EIF4G3: variants seen among roughly 807,000 people sequenced by gnomAD.
The protein encoded by EIF4G3 is eukaryotic translation initiation factor 4 gamma 3.
In EIF4G3, 34 loss-of-function variants were observed where a neutral mutation model predicts 186.4. That is an observed-to-expected ratio of 0.18 (90% CI 0.14 to 0.24). EIF4G3 has a LOEUF of 0.24. Ranked by LOEUF, EIF4G3 falls within the 10% of genes least tolerant of loss-of-function variation. The probability of loss-of-function intolerance (pLI) is 1.00; values close to 1 mark genes in which losing one functional copy is unlikely to be tolerated. For synonymous variants in EIF4G3, 673 were observed against 679.5 expected (o/e 0.99, Z 0.15); for missense variants, 1,536 against 1,948.5 (o/e 0.79, Z 3.99).
intron 20 of EIF4G3, among the ~76,000 whole-genome samples, chr1:20,865,669 G>A (rs2154552385): frequency 6.6e-6 from 1 of 152,162 alleles, no homozygotes; most frequent in Non-Finnish European, 1.5e-5. Flanking sequence ...AGACAAGGGA[G>A]AATTTGCTGG....
chr1:20,940,119 G>T (rs1032119407), intron 14 of EIF4G3, among the ~76,000 whole-genome samples: 1 of 151,990 alleles, frequency 6.6e-6, no homozygotes, highest in African/African-American at 2.4e-5. Context: ...GCCTCCCAAA[G>T]TGCAGGGATT....
intron 2 of EIF4G3, among the ~76,000 whole-genome samples, chr1:21,154,901 C>T (rs1384776916): frequency 6.6e-6 from 1 of 152,126 alleles, no homozygotes; most frequent in Non-Finnish European, 1.5e-5. Flanking sequence ...CACTTATAAA[C>T]TATCTACTAC....
At chr1:20,829,334 A>C in intron 30 of EIF4G3, 62 bp from the exon 31 acceptor site, 9 of 1,576,492 alleles carry the variant, frequency 5.7e-6, no homozygotes, top group Non-Finnish European at 6.9e-6. Context: ...AAATTAAATA[A>C]AGAGATAAAA....
chr1:20,816,832 C>T (rs1353303085), intron 34 of EIF4G3, among the ~76,000 whole-genome samples: 4 of 96,576 alleles, frequency 4.1e-5, no homozygotes, highest in African/African-American at 1.1e-4. Context: ...ATTGAGAAAT[C>T]GGATGGTTGC....
In EIF4G3 at chr1:20,959,609, C is replaced by T. The variant is rs79333347; in HGVS notation, c.715-9498G>A. ...AAAAGACAACCCATAGAGATGCAAA[C>T]TACACATCTGATGAAGGAAATCTAC... On this transcript the variant is annotated intron_variant, in intron 12 of 36. Transcript: ENST00000602326. Among the ~76,000 whole-genome samples the T allele has an allele frequency of 4.1e-3, 620 of 150,530 alleles. 9 individuals carry two copies. The highest frequency in any genetic ancestry group is 0.024 in the East Asian group (125 of 5,134).
chr1:20,891,293 G>A (rs2085935759), intron 18 of EIF4G3, among the ~76,000 whole-genome samples: 2 of 152,146 alleles, frequency 1.3e-5, no homozygotes, highest in African/African-American at 4.8e-5. Context: ...TACATTTTGT[G>A]AGTCACATAT....
At chr1:20,923,156 G>C (rs1387328396) in intron 14 of EIF4G3, among the ~76,000 whole-genome samples, 2 of 152,068 alleles carry the variant, frequency 1.3e-5, no homozygotes, top group African/African-American at 4.8e-5. Flanking sequence ...CTGAATTCCA[G>C]CTTCATTTTT....
intron 27 of EIF4G3, among the ~76,000 whole-genome samples, chr1:20,852,616 C>T (rs750450600): frequency 3.3e-5 from 5 of 152,046 alleles, no homozygotes; most frequent in African/African-American, 4.8e-5. Flanking sequence ...TTCGTTGGCC[C>T]GTGGCAGACC....
intron 3 of EIF4G3, among the ~76,000 whole-genome samples, chr1:21,075,570 C>CAAAAAAAAAAAAAAAAAAAAAAAAAAAA (rs55649192): frequency 3.9e-5 from 2 of 51,560 alleles, no homozygotes; most frequent in Non-Finnish European, 6.3e-5. Flanking sequence ...CTCCAACTCA[C>CAAAAAAAAAAAAAAAAAAAAAAAAAAAA]AAAAAAAAAA....
intron 10 of EIF4G3, among the ~76,000 whole-genome samples, chr1:20,975,674 A>G (rs1317945766): frequency 6.6e-6 from 1 of 150,826 alleles, no homozygotes; most frequent in Non-Finnish European, 1.5e-5. Flanking sequence ...AAACATTTAA[A>G]AACATTTTTA....
chr1:20,978,042 C>T (rs28504484), intron 10 of EIF4G3, among the ~76,000 whole-genome samples: 2 of 152,186 alleles, frequency 1.3e-5, no homozygotes, highest in African/African-American at 4.8e-5. Context: ...CAGAAATTAA[C>T]GGGAGACACT....
At chr1:20,857,550 T>A (rs184594164) in intron 24 of EIF4G3, 53 bp from the exon 25 acceptor site, 2 of 1,404,272 alleles carry the variant, frequency 1.4e-6, no homozygotes, top group African/African-American at 2.8e-5. Context: ...CAGTTTTACA[T>A]TGAAAGAGTG....
chr1:20,900,524 AAGAG>A (rs998482682), intron 15 of EIF4G3, among the ~76,000 whole-genome samples: 19 of 147,488 alleles, frequency 1.3e-4, no homozygotes, highest in African/African-American at 4.0e-4. Flanking sequence ...AAAAAAAAAA[AAGAG>A]AGAGAGAGAA....
intron 4 of EIF4G3, among the ~76,000 whole-genome samples, chr1:21,019,204 T>C (rs1183523757): frequency 6.6e-6 from 1 of 152,152 alleles, no homozygotes; most frequent in African/African-American, 2.4e-5. Context: ...ACTTTTAAAG[T>C]AGTCAAAACA....
intron 2 of EIF4G3, among the ~76,000 whole-genome samples, chr1:21,123,056 C>A (rs2102381314): frequency 6.6e-6 from 1 of 152,136 alleles, no homozygotes; most frequent in East Asian, 1.9e-4. Flanking sequence ...CCTCTTGTGT[C>A]TTCCATTATC....
intron 13 of EIF4G3, among the ~76,000 whole-genome samples, chr1:20,949,246 C>T (rs1477866497): frequency 6.6e-6 from 1 of 152,170 alleles, no homozygotes; most frequent in Non-Finnish European, 1.5e-5. Context: ...TGATATCCCA[C>T]TTTCTGGTAT....
intron 20 of EIF4G3, among the ~76,000 whole-genome samples, chr1:20,875,462 G>T (rs2080481696): frequency 6.6e-6 from 1 of 152,190 alleles, no homozygotes; most frequent in Non-Finnish European, 1.5e-5. Flanking sequence ...CAGTAATTTT[G>T]TGAGTCTTGT....
intron 13 of EIF4G3, among the ~76,000 whole-genome samples, chr1:20,946,217 T>C (rs952843044): frequency 1.3e-5 from 2 of 152,116 alleles, no homozygotes; most frequent in African/African-American, 4.8e-5. Flanking sequence ...CTATGAATGG[T>C]TGAATTACAA....
At chr1:21,032,358 T>C (rs2092818415) in intron 4 of EIF4G3, among the ~76,000 whole-genome samples, 1 of 152,202 alleles carries the variant, frequency 6.6e-6, no homozygotes, top group Admixed American at 6.5e-5. Context: ...TACATTACAA[T>C]TCAAAGTCTA....
Sources: gnomAD v4.1 joint callset for allele counts (sites outside exome capture counted in the v4.1 genomes callset) on GRCh38, gnomAD v4.1.1 for gene constraint, MANE v1.5 for transcripts, NCBI Gene and HGNC (gene_info 2026-07-23, HGNC 2026-07-21) for gene names.